PTPRD: variants seen among roughly 807,000 people sequenced by gnomAD.
The protein encoded by PTPRD is receptor-type tyrosine-protein phosphatase delta.
In PTPRD, 34 loss-of-function variants were observed where a neutral mutation model predicts 214.5. That is an observed-to-expected ratio of 0.16 (90% CI 0.12 to 0.21). The LOEUF (loss-of-function observed/expected upper bound fraction) is 0.21, where lower values mean the gene tolerates loss of function less well. Ranked by LOEUF, PTPRD falls within the 10% of genes least tolerant of loss-of-function variation. PTPRD has a pLI of 1.00. For synonymous variants in PTPRD, 1,128 were observed against 845.7 expected (o/e 1.33, Z -5.79); for missense variants, 2,545 against 2,398.7 (o/e 1.06, Z -1.27).
At chr9:9,723,610 T>G (rs187954821) in intron 7 of PTPRD, among the ~76,000 whole-genome samples, 1 of 152,194 alleles carries the variant, frequency 6.6e-6, no homozygotes, top group African/African-American at 2.4e-5. Context: ...GCAGATCAAT[T>G]TGGGGAATAC....
intron 11 of PTPRD, among the ~76,000 whole-genome samples, chr9:8,856,675 G>A (rs1467621214): frequency 6.6e-6 from 1 of 152,200 alleles, no homozygotes; most frequent in Non-Finnish European, 1.5e-5. Context: ...GAGACATTTG[G>A]CAAGTAGCGT....
chr9:9,764,298 A>G (rs1193042189), intron 6 of PTPRD, among the ~76,000 whole-genome samples: 1 of 152,148 alleles, frequency 6.6e-6, no homozygotes, highest in Non-Finnish European at 1.5e-5. Context: ...TGATCATACT[A>G]ACAAAACCTA....
chr9:9,681,829 C>G (rs2154397784), intron 7 of PTPRD, among the ~76,000 whole-genome samples: 1 of 151,812 alleles, frequency 6.6e-6, no homozygotes, highest in Admixed American at 6.6e-5. Context: ...AAATAATTGG[C>G]ACATAAACCC....
chr9:9,927,870 G>C (rs998451690), intron 5 of PTPRD, among the ~76,000 whole-genome samples: 46 of 152,134 alleles, frequency 3.0e-4, no homozygotes, highest in African/African-American at 1.1e-3. Flanking sequence ...TGTGAATAAA[G>C]GACACGGGAA....
At chr9:9,947,316 TTA>T (rs1491379944) in intron 4 of PTPRD, among the ~76,000 whole-genome samples, 1 of 79,150 alleles carries the variant, frequency 1.3e-5, no homozygotes, top group African/African-American at 7.3e-5. Flanking sequence ...TATATATATA[TTA>T]TATATATTAT....
chr9:8,930,338 C>T lies in PTPRD; in HGVS notation c.-104+88359G>A, dbSNP rs564454764. Reference sequence around the variant, plus strand: ...AGTATTCCATGGTGTATATGTGCCACATTTTCTTAATCCAGTCTATCATTG... The same window carrying T: ...AGTATTCCATGGTGTATATGTGCCATATTTTCTTAATCCAGTCTATCATTG... On this transcript the variant is annotated intron_variant, in intron 11 of 45. Transcript: ENST00000381196. Among the ~76,000 whole-genome samples, 378 of 152,186 alleles carry T rather than the reference C, an allele frequency of 2.5e-3. 3 individuals carry two copies. Among genetic ancestry groups the T allele is most frequent in the African/African-American group, 8.6e-3 (355 of 41,510 alleles).
chr9:8,617,527 T>C (rs1035266374), intron 14 of PTPRD, among the ~76,000 whole-genome samples: 1 of 152,124 alleles, frequency 6.6e-6, no homozygotes, highest in Non-Finnish European at 1.5e-5. Context: ...TTTACTGACA[T>C]GTATTATTTC....
At chr9:10,526,739 A>G (rs767539869) in intron 2 of PTPRD, among the ~76,000 whole-genome samples, 3 of 152,130 alleles carry the variant, frequency 2.0e-5, no homozygotes, top group Admixed American at 6.6e-5. Flanking sequence ...GGCAATAGAT[A>G]CAGTATTGAG....
At chr9:8,972,443 C>T (rs552322246) in intron 11 of PTPRD, among the ~76,000 whole-genome samples, 1 of 151,278 alleles carries the variant, frequency 6.6e-6, no homozygotes, top group South Asian at 2.1e-4. Context: ...AACATACATA[C>T]TAATTGTCTT....
At chr9:8,436,449 G>A (rs2095353431) in intron 35 of PTPRD, 143 bp downstream of exon 35, 2 of 593,384 alleles carry the variant, frequency 3.4e-6, no homozygotes. Flanking sequence ...CTTTTAAGTT[G>A]ACGGTTCATT....
chr9:10,047,413 T>C (rs1159321125), intron 3 of PTPRD, among the ~76,000 whole-genome samples: 2 of 151,802 alleles, frequency 1.3e-5, no homozygotes, highest in African/African-American at 4.8e-5. Context: ...CACACAATGA[T>C]TGTTAGATAT....
intron 6 of PTPRD, among the ~76,000 whole-genome samples, chr9:9,746,459 G>C (rs549253244): frequency 5.9e-5 from 9 of 152,274 alleles, no homozygotes; most frequent in South Asian, 2.1e-4. Flanking sequence ...CACCTCTTCA[G>C]TACTTAGATA....
At chr9:9,554,054 A>G (rs981755786) in intron 8 of PTPRD, among the ~76,000 whole-genome samples, 1 of 152,052 alleles carries the variant, frequency 6.6e-6, no homozygotes, top group Non-Finnish European at 1.5e-5. Context: ...TTTATTATGG[A>G]TGGGCTAGAA....
At chr9:9,804,544 T>G (rs2099061393) in intron 5 of PTPRD, among the ~76,000 whole-genome samples, 1 of 152,150 alleles carries the variant, frequency 6.6e-6, no homozygotes, top group Non-Finnish European at 1.5e-5. Flanking sequence ...TTAACTCTTT[T>G]GAGGAAGACT....
At chr9:8,494,253 A>G (rs910691589) in intron 26 of PTPRD, among the ~76,000 whole-genome samples, 1 of 152,180 alleles carries the variant, frequency 6.6e-6, no homozygotes, top group Non-Finnish European at 1.5e-5. Context: ...GATCCCAAAT[A>G]TGACAGTTTC....
intron 9 of PTPRD, among the ~76,000 whole-genome samples, chr9:9,324,872 G>C (rs1219116906): frequency 6.6e-6 from 1 of 152,190 alleles, no homozygotes; most frequent in East Asian, 1.9e-4. Context: ...TTTTGTATAA[G>C]GTGTAAGGAA....
chr9:9,020,047 G>A (rs1467922359), intron 10 of PTPRD, among the ~76,000 whole-genome samples: 1 of 152,112 alleles, frequency 6.6e-6, no homozygotes, highest in African/African-American at 2.4e-5. Context: ...GACATGGGAG[G>A]AGAAGAGAAG....
At chr9:9,709,891 T>C (rs1421493024) in intron 7 of PTPRD, among the ~76,000 whole-genome samples, 1 of 152,114 alleles carries the variant, frequency 6.6e-6, no homozygotes, top group African/African-American at 2.4e-5. Context: ...ACCTGTTTAA[T>C]TAAATCCCAT....
intron 5 of PTPRD, among the ~76,000 whole-genome samples, chr9:9,823,302 T>C (rs890699293): frequency 6.6e-6 from 1 of 151,822 alleles, no homozygotes; most frequent in African/African-American, 2.4e-5. Context: ...AGCAGGCACA[T>C]CACATGGTGA....
Sources: allele counts gnomAD v4.1 joint callset (sites outside exome capture counted in the v4.1 genomes callset), GRCh38; gene constraint gnomAD v4.1.1; transcripts MANE v1.5; gene names NCBI Gene and HGNC (gene_info 2026-07-23, HGNC 2026-07-21).